Variants in BIN3 observed in about 807,000 individuals in gnomAD.
The protein encoded by BIN3 is bridging integrator 3.
A neutral mutation model predicts 38.2 loss-of-function variants in BIN3; 41 were observed. The observed-to-expected ratio is 1.07, with a 90% CI of 0.84 to 1.39. The LOEUF is 1.39. Ranked by LOEUF, BIN3 falls within the 40% of genes most tolerant of loss-of-function variation. BIN3 has a pLI of 0.00. For synonymous variants in BIN3, 145 were observed against 122.6 expected (o/e 1.18, Z -1.21); for missense variants, 361 against 324.3 (o/e 1.11, Z -0.87).
In BIN3 at chr8:22,656,718, G is replaced by C. The variant is rs552177430; in HGVS notation, c.9-11915C>G. On this transcript the variant is annotated intron_variant, in intron 1 of 8. Coordinates refer to ENST00000276416, the MANE Select transcript of BIN3 (RefSeq NM_018688.6). ...CCTAACAGTAAGAAAATATCTTTCT[G>C]TTCCTAGTTCACTAAAAGGTACAAA... Among the ~76,000 whole-genome samples the C allele has an allele frequency of 1.0e-3, 154 of 152,278 alleles. 1 individual carries two copies. Among genetic ancestry groups the C allele is most frequent in the South Asian group, 2.7e-3 (13 of 4,820 alleles).
Position 22,629,947 on chromosome 8 carries a change from A to G in BIN3, c.338+17T>C, listed in dbSNP as rs1381440086. ...CTCCCATAAGTGCCCCGAGGCCCCC[A>G]GGTGACATTTACTCACTTTTTTAAG... On this transcript the variant is annotated intron_variant, in intron 6 of 8. Transcript: ENST00000276416. The G allele has an allele frequency of 4.4e-6, 7 of 1,601,040 alleles. No homozygotes were observed. The highest frequency in any genetic ancestry group is 5.1e-6 in the Non-Finnish European group (6 of 1,172,718).
At chr8:22,648,230 A>G (rs1226436420) in intron 1 of BIN3, among the ~76,000 whole-genome samples, 1 of 151,690 alleles carries the variant, frequency 6.6e-6, no homozygotes, top group Non-Finnish European at 1.5e-5. Context: ...TTAACATCTG[A>G]TATTGGTGTG....
chr8:22,632,044 T>C (rs1390690280), intron 4 of BIN3, among the ~76,000 whole-genome samples: 2 of 152,242 alleles, frequency 1.3e-5, no homozygotes, highest in Non-Finnish European at 1.5e-5. Flanking sequence ...TCTTACCATA[T>C]GCATGTTACT....
intron 6 of BIN3, chr8:22,629,740 G>A (rs905335963): frequency 3.4e-6 from 2 of 583,086 alleles, no homozygotes; most frequent in African/African-American, 3.7e-5. Flanking sequence ...AGGGGGTGGT[G>A]GCAGGGGTAC....
At position 22,669,048 on chromosome 8, in the gene BIN3, T is replaced by A. The variant is rs574525756; in HGVS notation, c.4A>T (p.Ser2Cys). M[S>C]WIPFKIGQPK... Reference sequence around the variant, plus strand: ...CGCCGCCTGGGCCTCACTCACCAGCTCATGGTCCCGAACCTGCGTCTGCCG... The same window carrying A: ...CGCCGCCTGGGCCTCACTCACCAGCACATGGTCCCGAACCTGCGTCTGCCG... Residue 2 changes from serine (S) to cysteine (C), a missense_variant, in exon 1 of 9, where the codon AGC (serine) becomes TGC (cysteine). Physicochemically the swap from Ser to Cys is moderately radical, Grantham distance 112. Transcript: ENST00000276416. The A allele has an allele frequency of 4.5e-5, 72 of 1,590,108 alleles. No homozygotes were observed. Among genetic ancestry groups the A allele is most frequent in the Non-Finnish European group, 5.6e-5 (66 of 1,168,910 alleles).
chr8:22,633,871 G>GACC (rs1446809235), intron 4 of BIN3, among the ~76,000 whole-genome samples: 8 of 152,172 alleles, frequency 5.3e-5, no homozygotes, highest in Admixed American at 6.5e-5. Flanking sequence ...TTGGCCCCAT[G>GACC]ACCACCACCA....
chr8:22,624,197 C>CCTGCCCACCTGTCTCCCCT, intron 7 of BIN3, 25 bp downstream of exon 7: 1 of 1,608,918 alleles, frequency 6.2e-7, no homozygotes, highest in Non-Finnish European at 8.5e-7. Flanking sequence ...CTGTCTAGCC[C>CCTGCCCACCTGTCTCCCCT]CTGCCCACCT....
chr8:22,629,211 T>C (rs1340883757), intron 6 of BIN3, among the ~76,000 whole-genome samples: 2 of 152,144 alleles, frequency 1.3e-5, no homozygotes, highest in East Asian at 1.9e-4. Flanking sequence ...CAGAGCCTCA[T>C]TACCCGGCCC....
intron 1 of BIN3, among the ~76,000 whole-genome samples, chr8:22,664,256 C>G (rs1424507029): frequency 6.6e-6 from 1 of 152,262 alleles, no homozygotes; most frequent in Non-Finnish European, 1.5e-5. Context: ...AGACACTTGA[C>G]TCTTTCTGAC....
Position 22,621,444 on chromosome 8 carries a change from A to AG in BIN3, c.739dup (p.Leu247ProfsTer7). On this transcript the variant is annotated frameshift_variant, in exon 9 of 9. Transcript: ENST00000276416. LOFTEE classifies it high-confidence loss of function. ...GATTCAGTCATCGGCCACAATGGAG[A>AG]GGGCCCGGAGCTCACTGAGTTTGGC... 1 of 1,613,576 alleles carries AG rather than the reference A, an allele frequency of 6.2e-7. No individual in the cohort carries two copies. The highest frequency in any genetic ancestry group is 2.2e-5 in the East Asian group (1 of 44,868).
At chr8:22,655,036 T>C (rs1389738472) in intron 1 of BIN3, among the ~76,000 whole-genome samples, 1 of 152,262 alleles carries the variant, frequency 6.6e-6, no homozygotes, top group Non-Finnish European at 1.5e-5. Flanking sequence ...GTATTTCTGA[T>C]GTGCATTTCT....
At chr8:22,661,616 C>T (rs1039024285) in intron 1 of BIN3, among the ~76,000 whole-genome samples, 2 of 151,680 alleles carry the variant, frequency 1.3e-5, no homozygotes, top group Non-Finnish European at 2.9e-5. Flanking sequence ...CCTTGACCTC[C>T]CAGAGTGTTG....
chr8:22,636,404 G>A, intron 4 of BIN3, 121 bp downstream of exon 4: 1 of 1,038,842 alleles, frequency 9.6e-7, no homozygotes, highest in Non-Finnish European at 1.4e-6. Context: ...CTGCTTCTCA[G>A]GACACTGGGT....
chr8:22,626,246 C>G (rs1309036837), intron 6 of BIN3: 4 of 152,294 alleles, frequency 2.6e-5, no homozygotes, highest in African/African-American at 7.2e-5. Context: ...GCGGGCCCCT[C>G]AGCACTACGG....
intron 1 of BIN3, among the ~76,000 whole-genome samples, chr8:22,665,199 A>G (rs781016663): frequency 2.0e-5 from 3 of 152,218 alleles, no homozygotes; most frequent in Non-Finnish European, 4.4e-5. Context: ...CCTGACCTGG[A>G]AGCCACTTGT....
intron 5 of BIN3, 41 bp from the exon 6 acceptor site, chr8:22,630,045 G>A (rs376500428): frequency 1.3e-6 from 2 of 1,576,468 alleles, no homozygotes; most frequent in East Asian, 2.3e-5. Flanking sequence ...CTGGTGGGGA[G>A]GGGAGGGCGA....
chr8:22,648,678 C>T (rs1802787148), intron 1 of BIN3, among the ~76,000 whole-genome samples: 1 of 152,204 alleles, frequency 6.6e-6, no homozygotes, highest in African/African-American at 2.4e-5. Flanking sequence ...ACTCTCCCTT[C>T]TCCCTTTCCC....
chr8:22,624,374 A>C lies in BIN3; in HGVS notation c.339-11T>G, dbSNP rs771937890. 2 of 1,610,168 alleles carry C rather than the reference A, an allele frequency of 1.2e-6. No individual in the cohort carries two copies. Among genetic ancestry groups the C allele is most frequent in the South Asian group, 2.2e-5 (2 of 90,612 alleles). ...AAGACACTGCCGAACCTGTGGGACA[A>C]GCTGGCTGGAGATGGGCCCGTTCTT... On this transcript the variant is annotated splice_polypyrimidine_tract_variant and intron_variant, in intron 6 of 8. Transcript: ENST00000276416.
intron 8 of BIN3, among the ~76,000 whole-genome samples, chr8:22,623,470 C>G (rs1420048327): frequency 3.3e-5 from 5 of 152,152 alleles, no homozygotes; most frequent in Admixed American, 3.3e-4. Context: ...AGGCAGGACT[C>G]CCGCCGTTTC....
Sources: gnomAD v4.1 joint callset for allele counts (sites outside exome capture counted in the v4.1 genomes callset) on GRCh38, gnomAD v4.1.1 for gene constraint, MANE v1.5 for transcripts, NCBI Gene and HGNC (gene_info 2026-07-23, HGNC 2026-07-21) for gene names.